The following TRPM3 variants were observed in gnomAD, a reference collection of about 807,000 sequenced individuals.
TRPM3 encodes transient receptor potential cation channel subfamily M member 3.
Under a neutral mutation model 181.2 loss-of-function variants are expected in TRPM3, and 77 were observed. The observed-to-expected ratio is 0.42, with a 90% CI of 0.35 to 0.51. The LOEUF is 0.51. Ranked by LOEUF, TRPM3 falls within the 20% of genes least tolerant of loss-of-function variation. The probability of loss-of-function intolerance (pLI) is 0.01; values close to 1 mark genes in which losing one functional copy is unlikely to be tolerated. For missense variants in TRPM3, 1,759 were observed against 2,196.7 expected (o/e 0.80, Z 3.98); for synonymous variants, 745 against 796.4 (o/e 0.94, Z 1.09).
At chr9:70,570,294 T>C (rs926980922) in intron 22 of TRPM3, among the ~76,000 whole-genome samples, 16 of 147,992 alleles carry the variant, frequency 1.1e-4, no homozygotes, top group Admixed American at 4.9e-4. Context: ...TTGGGTCATA[T>C]TACTAGAGTT....
chr9:71,088,270 T>G (rs1591319977), intron 1 of TRPM3, among the ~76,000 whole-genome samples: 1 of 152,096 alleles, frequency 6.6e-6, no homozygotes, highest in East Asian at 1.9e-4. Context: ...AAATGGATTT[T>G]GGGATGGAAG....
intron 1 of TRPM3, among the ~76,000 whole-genome samples, chr9:71,348,853 G>A (rs2091445279): frequency 6.6e-6 from 1 of 152,192 alleles, no homozygotes; most frequent in African/African-American, 2.4e-5. Flanking sequence ...TTACAGGCAT[G>A]AGCCACTGTG....
At chr9:71,403,336 T>G (rs1051123755) in intron 1 of TRPM3, among the ~76,000 whole-genome samples, 18 of 152,180 alleles carry the variant, frequency 1.2e-4, no homozygotes, top group African/African-American at 4.1e-4. Flanking sequence ...GCAGGAAAAC[T>G]TTGCCAACTC....
chr9:70,907,322 G>A (rs1011416520), intron 1 of TRPM3, among the ~76,000 whole-genome samples: 2 of 152,172 alleles, frequency 1.3e-5, no homozygotes, highest in Non-Finnish European at 2.9e-5. Context: ...GTTGCATGCT[G>A]TGAACTTTTC....
chr9:70,882,048 C>A (rs1220512354), intron 1 of TRPM3, among the ~76,000 whole-genome samples: 5 of 152,074 alleles, frequency 3.3e-5, no homozygotes, highest in Admixed American at 2.6e-4. Flanking sequence ...TTAGCCAGAG[C>A]GTTAAGTAGC....
At chr9:71,003,096 G>T (rs957921595) in intron 1 of TRPM3, among the ~76,000 whole-genome samples, 1 of 150,840 alleles carries the variant, frequency 6.6e-6, no homozygotes, top group African/African-American at 2.4e-5. Flanking sequence ...ATTTTAAAAG[G>T]GTCTTCGTTT....
chr9:70,811,190 C>G (rs1466555794), intron 6 of TRPM3: 1 of 1,612,552 alleles, frequency 6.2e-7, no homozygotes, highest in Non-Finnish European at 8.5e-7. Flanking sequence ...TAACTGGCAA[C>G]TACCCCAAAA....
At chr9:71,089,371 A>G (rs1401312090) in intron 1 of TRPM3, among the ~76,000 whole-genome samples, 1 of 151,524 alleles carries the variant, frequency 6.6e-6, no homozygotes, top group Non-Finnish European at 1.5e-5. Context: ...TATTTTTCTT[A>G]GATAGCGTTT....
chr9:71,227,886 C>G (rs1280834582), intron 1 of TRPM3, among the ~76,000 whole-genome samples: 7 of 152,264 alleles, frequency 4.6e-5, no homozygotes, highest in Middle Eastern at 6.8e-3. Context: ...GATGACTTCA[C>G]TACTGAATTC....
chr9:70,635,349 G>T, intron 11 of TRPM3, 88 bp from the exon 12 acceptor site: 1 of 1,107,372 alleles, frequency 9.0e-7, no homozygotes, highest in Non-Finnish European at 1.4e-6. Flanking sequence ...AAGGGTGCTG[G>T]CTGGTGGAGG....
chr9:70,679,609 G>A (rs907755344), intron 9 of TRPM3, among the ~76,000 whole-genome samples: 13 of 152,160 alleles, frequency 8.5e-5, no homozygotes, highest in African/African-American at 3.1e-4. Flanking sequence ...GGGTCAGACT[G>A]TCTCTACCAT....
chr9:71,311,580 A>C (rs2087937555), intron 1 of TRPM3, among the ~76,000 whole-genome samples: 1 of 152,104 alleles, frequency 6.6e-6, no homozygotes, highest in Non-Finnish European at 1.5e-5. Flanking sequence ...CTGAATCTAG[A>C]TACAGACTTT....
chr9:71,202,646 G>A (rs1434404091), intron 1 of TRPM3, among the ~76,000 whole-genome samples: 2 of 152,256 alleles, frequency 1.3e-5, no homozygotes, highest in African/African-American at 2.4e-5. Context: ...AGTGCAGGGT[G>A]GTATGTCAGT....
At chr9:71,002,205 G>C (rs2097612438) in intron 1 of TRPM3, among the ~76,000 whole-genome samples, 1 of 152,142 alleles carries the variant, frequency 6.6e-6, no homozygotes, top group Non-Finnish European at 1.5e-5. Context: ...CGTTCGCCTA[G>C]TTAACTCTTA....
At chr9:70,954,052 G>A (rs2097036260) in intron 1 of TRPM3, among the ~76,000 whole-genome samples, 1 of 152,122 alleles carries the variant, frequency 6.6e-6, no homozygotes, top group Middle Eastern at 3.2e-3. Flanking sequence ...AGAAGACAAT[G>A]ATTTTTTCAG....
intron 1 of TRPM3, among the ~76,000 whole-genome samples, chr9:71,250,171 AT>A (rs759110977): frequency 5.9e-5 from 9 of 152,132 alleles, no homozygotes; most frequent in Non-Finnish European, 1.2e-4. Flanking sequence ...GGCTTAAACA[AT>A]TTTAGGGAAC....
At position 71,232,212 on chromosome 9, in the gene TRPM3, T is replaced by C. The variant is rs141409716; in HGVS notation, c.183+214441A>G. Among the ~76,000 whole-genome samples the C allele has an allele frequency of 1.1e-3, 162 of 152,266 alleles. No homozygotes were observed. The East Asian group carries it at 0.027, about 26-fold the overall frequency. On this transcript the variant is annotated intron_variant, in intron 1 of 24. Transcript: ENST00000357533. ...GGAATCTGAGCTTCCAATCTAGCAA[T>C]GGGCTGGCACAAGCATTGTTTGTAA...
chr9:71,376,233 G>A (rs577148795), intron 1 of TRPM3, among the ~76,000 whole-genome samples: 364 of 151,950 alleles, frequency 2.4e-3, no homozygotes, highest in Non-Finnish European at 4.7e-3. Flanking sequence ...TGGACTAGAA[G>A]AAATGGAATT....
chr9:70,883,623 T>C (rs1261730173), intron 1 of TRPM3, among the ~76,000 whole-genome samples: 1 of 152,208 alleles, frequency 6.6e-6, no homozygotes, highest in African/African-American at 2.4e-5. Flanking sequence ...GTGACTTGAG[T>C]GATTTTCATA....
Sources: gnomAD v4.1 joint callset for allele counts (sites outside exome capture counted in the v4.1 genomes callset) on GRCh38, gnomAD v4.1.1 for gene constraint, MANE v1.5 for transcripts, NCBI Gene and HGNC (gene_info 2026-07-23, HGNC 2026-07-21) for gene names.